Variants in FGF10 observed in about 807,000 individuals in gnomAD.
FGF10 encodes the protein FGF-10.
Under a neutral mutation model 19.8 loss-of-function variants are expected in FGF10, and 2 were observed. The observed-to-expected ratio is 0.10, with a 90% CI of 0.04 to 0.32. FGF10 has a LOEUF of 0.32. Ranked by LOEUF, FGF10 falls within the 10% of genes least tolerant of loss-of-function variation. The probability of loss-of-function intolerance (pLI) is 1.00; values close to 1 mark genes in which losing one functional copy is unlikely to be tolerated. For synonymous variants in FGF10, 112 were observed against 94.0 expected, an observed-to-expected ratio of 1.19 and a Z score of -1.10; for missense variants, 191 against 246.3, an observed-to-expected ratio of 0.78 and a Z score of 1.50.
chr5:44,358,798 C>T (rs775489735), intron 1 of FGF10, among the ~76,000 whole-genome samples: 1 of 151,340 alleles, frequency 6.6e-6, no homozygotes. Context: ...ATATTACCTC[C>T]GCACATCAGT....
chr5:44,325,512 TA>T (rs990842523), intron 1 of FGF10, among the ~76,000 whole-genome samples: 11 of 152,128 alleles, frequency 7.2e-5, no homozygotes, highest in African/African-American at 2.2e-4. Context: ...TAGACTGGAT[TA>T]AAAAAATGTG....
At chr5:44,376,499 A>AAAAC (rs1579943178) in intron 1 of FGF10, among the ~76,000 whole-genome samples, 1 of 111,258 alleles carries the variant, frequency 9.0e-6, no homozygotes, top group Non-Finnish European at 2.0e-5. Flanking sequence ...CCAAAAAAAA[A>AAAAC]AAAAAAAAAA....
At chr5:44,339,223 A>C (rs1481021419) in intron 1 of FGF10, among the ~76,000 whole-genome samples, 2 of 152,196 alleles carry the variant, frequency 1.3e-5, no homozygotes, top group African/African-American at 4.8e-5. Context: ...TTTACATCTC[A>C]GGTTCTAAAT....
intron 1 of FGF10, among the ~76,000 whole-genome samples, chr5:44,364,205 G>A (rs946038603): frequency 6.6e-6 from 1 of 151,780 alleles, no homozygotes; most frequent in African/African-American, 2.4e-5. Context: ...ATTACTTTTT[G>A]ATGGAGAACC....
chr5:44,345,312 G>A (rs1741064350), intron 1 of FGF10, among the ~76,000 whole-genome samples: 1 of 150,824 alleles, frequency 6.6e-6, no homozygotes, highest in Non-Finnish European at 1.5e-5. Flanking sequence ...AAATAAAACT[G>A]AACAAATAGA....
chr5:44,310,502 G>A lies in FGF10; in HGVS notation c.354C>T (p.Ile118=), dbSNP rs201385181. 3.7e-5 allele frequency: 60 copies of A among 1,611,704 alleles called. No homozygotes were observed. The Admixed American group carries it at 5.0e-4, about 13-fold the overall frequency. The change falls in exon 2 of 3, where the codon ATC becomes ATT. Residue 118 remains isoleucine (I), a synonymous_variant. Transcript: ENST00000264664. ...YSILEITSVE[I]GVVAVKAINS... is the part of the protein sequence containing the mutation. ...TAATGGCTTTGACGGCAACAACTCC[G>A]ATTTCTACTGATGTTATCTCCAGGA...
At position 44,301,488 on chromosome 5, in the gene FGF10, A is replaced by G. The variant is rs879902562; in HGVS notation, c.*3507T>C. Among the ~76,000 whole-genome samples, 3 of 152,190 alleles carry G rather than the reference A, an allele frequency of 2.0e-5. No homozygotes were observed. The highest frequency in any genetic ancestry group is 4.4e-5 in the Non-Finnish European group (3 of 68,028). On this transcript the variant is annotated 3_prime_UTR_variant, in exon 3 of 3. Coordinates refer to ENST00000264664, the MANE Select transcript of FGF10 (RefSeq NM_004465.2). The stretch of plus-strand genomic sequence containing the variant: ...ATTTTTTCTCTCTAATTTTCAAATC[A>G]AATTCATTGGTCATTCATCCCCTTG...
intron 1 of FGF10, among the ~76,000 whole-genome samples, chr5:44,347,022 A>G (rs909366053): frequency 2.0e-5 from 3 of 151,818 alleles, no homozygotes; most frequent in Non-Finnish European, 2.9e-5. Context: ...TGTTCTCTAC[A>G]GCATAATCAC....
At chr5:44,353,822 TC>T (rs1380318642) in intron 1 of FGF10, among the ~76,000 whole-genome samples, 2 of 151,430 alleles carry the variant, frequency 1.3e-5, no homozygotes, top group East Asian at 3.9e-4. Context: ...GCTCTTCTTT[TC>T]TCTGCTAGAA....
intron 1 of FGF10, among the ~76,000 whole-genome samples, chr5:44,317,564 A>G (rs181170253): frequency 6.6e-6 from 1 of 152,292 alleles, no homozygotes; most frequent in African/African-American, 2.4e-5. Context: ...ATTAATTGTT[A>G]AAGTGTGTTA....
intron 1 of FGF10, among the ~76,000 whole-genome samples, chr5:44,377,076 T>C (rs1741883846): frequency 6.6e-6 from 1 of 152,198 alleles, no homozygotes; most frequent in African/African-American, 2.4e-5. Flanking sequence ...TCCCTGTGAT[T>C]TCCTGAAAAC....
At chr5:44,315,210 T>TA (rs1405343286) in intron 1 of FGF10, among the ~76,000 whole-genome samples, 1 of 145,850 alleles carries the variant, frequency 6.9e-6, no homozygotes, top group African/African-American at 2.5e-5. Context: ...AGAAAGAAAA[T>TA]ATATTAAGTG....
chr5:44,315,886 C>T (rs1226140250), intron 1 of FGF10, among the ~76,000 whole-genome samples: 1 of 152,112 alleles, frequency 6.6e-6, no homozygotes, highest in Non-Finnish European at 1.5e-5. Flanking sequence ...TGTGGTTTTA[C>T]CTCTCTTTAA....
chr5:44,386,817 G>A (rs1270791282), intron 1 of FGF10, among the ~76,000 whole-genome samples: 3 of 152,248 alleles, frequency 2.0e-5, no homozygotes, highest in Admixed American at 6.5e-5. Flanking sequence ...AGAAACAGAA[G>A]TTAATGTTGA....
chr5:44,356,072 A>C (rs945126291), intron 1 of FGF10, among the ~76,000 whole-genome samples: 1 of 151,496 alleles, frequency 6.6e-6, no homozygotes, highest in Non-Finnish European at 1.5e-5. Context: ...CTCATAGTCC[A>C]TAGGTCAGCC....
chr5:44,384,837 T>G (rs1340475685), intron 1 of FGF10, among the ~76,000 whole-genome samples: 6 of 152,114 alleles, frequency 3.9e-5, no homozygotes, highest in Non-Finnish European at 8.8e-5. Context: ...CCAGGAGCCT[T>G]TTTTGTGAGT....
At chr5:44,356,221 T>C (rs1221181784) in intron 1 of FGF10, among the ~76,000 whole-genome samples, 1 of 151,360 alleles carries the variant, frequency 6.6e-6, no homozygotes, top group East Asian at 1.9e-4. Context: ...TTCCCGTGGG[T>C]AATATCTAAA....
Position 44,302,751 on chromosome 5 carries a change from C to T in FGF10, c.*2244G>A, listed in dbSNP as rs1434001371. Reference sequence around the variant, plus strand: ...CCTCTGCAAGCTTTAATATATTTTGCTAGAAGCTGTTTTAGTGTCTTGAGT... The same window carrying T: ...CCTCTGCAAGCTTTAATATATTTTGTTAGAAGCTGTTTTAGTGTCTTGAGT... On this transcript the variant is annotated 3_prime_UTR_variant, in exon 3 of 3. Coordinates refer to ENST00000264664, the MANE Select transcript of FGF10 (RefSeq NM_004465.2). Among the ~76,000 whole-genome samples, 1 of 151,476 alleles carries T rather than the reference C, an allele frequency of 6.6e-6. No individual in the cohort carries two copies. Among genetic ancestry groups the T allele is most frequent in the Non-Finnish European group, 1.5e-5 (1 of 67,626 alleles).
chr5:44,319,475 T>A (rs1740430691), intron 1 of FGF10, among the ~76,000 whole-genome samples: 1 of 152,176 alleles, frequency 6.6e-6, no homozygotes. Flanking sequence ...GAAAAAGTCT[T>A]ACTTGATGCA....
Sources: allele counts gnomAD v4.1 joint callset (sites outside exome capture counted in the v4.1 genomes callset), GRCh38; gene constraint gnomAD v4.1.1; transcripts MANE v1.5; gene names NCBI Gene and HGNC (gene_info 2026-07-23, HGNC 2026-07-21).